CREB3L2: variants seen among roughly 807,000 people sequenced by gnomAD.
CREB3L2 encodes the protein cAMP responsive element binding protein 3 like 2.
In CREB3L2, 23 loss-of-function variants were observed where a neutral mutation model predicts 57.2. That is an observed-to-expected ratio of 0.40 (90% CI 0.29 to 0.57). CREB3L2 has a LOEUF of 0.57. Ranked by LOEUF, CREB3L2 falls within the 20% of genes least tolerant of loss-of-function variation. The pLI, the probability that CREB3L2 is intolerant of heterozygous loss-of-function variation, is 0.42. For synonymous variants in CREB3L2, 268 were observed against 265.1 expected, an observed-to-expected ratio of 1.01 and a Z score of -0.11; for missense variants, 628 against 634.7, an observed-to-expected ratio of 0.99 and a Z score of 0.11.
chr7:137,992,053 C>T lies in CREB3L2; in HGVS notation c.102+9551G>A, dbSNP rs543867447. ...TTAAAAAAAAATCCCCAAAGCTCTT[C>T]GTAATATCAGTAAAGTTCAAATAAA... On this transcript the variant is annotated intron_variant, in intron 1 of 11. Coordinates refer to ENST00000330387, the MANE Select transcript of CREB3L2 (RefSeq NM_194071.4). Among the ~76,000 whole-genome samples the T allele has an allele frequency of 4.6e-5, 7 of 152,156 alleles. No homozygotes were observed. In the East Asian group the frequency reaches 9.6e-4, roughly 21 times the overall value.
In CREB3L2 at chr7:137,980,047, T is replaced by G. The variant is rs1801685752; in HGVS notation, c.102+21557A>C. ...TAGCCAGCAGTTCTCAAATTTTACA[T>G]GCACATGGATCATCTGGGGATCTTC... On this transcript the variant is annotated intron_variant, in intron 1 of 11. Transcript: ENST00000330387. The surrounding 1 kb of genome is among the most constrained non-coding windows in gnomAD (Gnocchi z 4.3). Among the ~76,000 whole-genome samples, 1 of 152,220 alleles carries G rather than the reference T, an allele frequency of 6.6e-6. No homozygotes were observed.
intron 2 of CREB3L2, among the ~76,000 whole-genome samples, chr7:137,926,745 T>C (rs1169397814): frequency 6.6e-6 from 1 of 151,880 alleles, no homozygotes; most frequent in East Asian, 1.9e-4. Flanking sequence ...CACCATGTCA[T>C]CCTCCTGTAA....
At chr7:137,916,802 G>T (rs760891542) in intron 2 of CREB3L2, among the ~76,000 whole-genome samples, 1 of 152,100 alleles carries the variant, frequency 6.6e-6, no homozygotes, top group Non-Finnish European at 1.5e-5. Context: ...GCGAGAGCGA[G>T]AGCGAGTGAC....
intron 1 of CREB3L2, among the ~76,000 whole-genome samples, chr7:137,940,176 C>T (rs889695361): frequency 6.6e-6 from 1 of 152,176 alleles, no homozygotes; most frequent in Non-Finnish European, 1.5e-5. Flanking sequence ...AGCTTCTCCT[C>T]TCTGGTATCT....
chr7:137,895,647 A>AAAAAAAAAAAAAG (rs1481507110), intron 8 of CREB3L2, among the ~76,000 whole-genome samples: 1 of 151,696 alleles, frequency 6.6e-6, no homozygotes, highest in African/African-American at 2.4e-5. Context: ...CAGTACAAAA[A>AAAAAAAAAAAAAG]AAAAAAGAAA....
chr7:137,904,838 G>A (rs75649079), intron 6 of CREB3L2, among the ~76,000 whole-genome samples: 10 of 136,976 alleles, frequency 7.3e-5, no homozygotes, highest in African/African-American at 1.1e-4. Flanking sequence ...GACTCTGTAT[G>A]AAAAAAAAAA....
At chr7:137,888,533 A>G (rs1395003803) in intron 8 of CREB3L2, among the ~76,000 whole-genome samples, 1 of 152,058 alleles carries the variant, frequency 6.6e-6, no homozygotes, top group Non-Finnish European at 1.5e-5. Context: ...TGGCCGAAGC[A>G]TATATTTGAC....
At chr7:137,940,465 C>A (rs1800863179) in intron 1 of CREB3L2, among the ~76,000 whole-genome samples, 1 of 152,166 alleles carries the variant, frequency 6.6e-6, no homozygotes. Flanking sequence ...TATCATCTGG[C>A]CTGACCTGGT....
At chr7:137,935,060 T>C (rs1766024364) in intron 1 of CREB3L2, among the ~76,000 whole-genome samples, 1 of 152,232 alleles carries the variant, frequency 6.6e-6, no homozygotes, top group Non-Finnish European at 1.5e-5. Context: ...TGTGGCAATG[T>C]AGCTTTGGAG....
At chr7:137,987,616 G>T (rs952982149) in intron 1 of CREB3L2, among the ~76,000 whole-genome samples, 1 of 152,182 alleles carries the variant, frequency 6.6e-6, no homozygotes, top group East Asian at 1.9e-4. Context: ...GTGTTGGGGA[G>T]ACAAGAGATA....
At chr7:137,963,328 A>G (rs1801356746) in intron 1 of CREB3L2, among the ~76,000 whole-genome samples, 1 of 152,224 alleles carries the variant, frequency 6.6e-6, no homozygotes. Context: ...CTCTTTAATA[A>G]CCAGCTCCAC....
Position 137,969,698 on chromosome 7 carries a change from T to C in CREB3L2, c.102+31906A>G, listed in dbSNP as rs1050332217. On this transcript the variant is annotated intron_variant, in intron 1 of 11. Coordinates refer to ENST00000330387, the MANE Select transcript of CREB3L2 (RefSeq NM_194071.4). ...TAGCAGAATTTTTTTTTTTCAAAGATACCAGCTAAAGTATTTAGAGATGAA... is the reference window on the plus strand; with the variant it reads ...TAGCAGAATTTTTTTTTTTCAAAGACACCAGCTAAAGTATTTAGAGATGAA... Among the ~76,000 whole-genome samples, 25 of 151,004 alleles carry C rather than the reference T, an allele frequency of 1.7e-4. 1 individual carries two copies. The highest frequency in any genetic ancestry group is 3.2e-4 in the Non-Finnish European group (22 of 67,882).
Position 137,940,098 on chromosome 7 carries a change from T to A in CREB3L2, c.103-11732A>T, listed in dbSNP as rs945993539. Among the ~76,000 whole-genome samples, 11 of 152,208 alleles carry A rather than the reference T, an allele frequency of 7.2e-5. 1 individual carries two copies. The South Asian group carries it at 1.9e-3, about 26-fold the overall frequency. ...TCAACCCTTTTACATGCTCATTATA[T>A]AAGGAAATTTGGAGGGTTTTTTGGT... On this transcript the variant is annotated intron_variant, in intron 1 of 11. Coordinates refer to ENST00000330387, the MANE Select transcript of CREB3L2 (RefSeq NM_194071.4).
chr7:137,900,613 G>C (rs997559025), intron 8 of CREB3L2, among the ~76,000 whole-genome samples: 4 of 151,650 alleles, frequency 2.6e-5, no homozygotes, highest in Non-Finnish European at 4.4e-5. Flanking sequence ...TGGCCAACAT[G>C]GTGAAACCCC....
chr7:137,903,884 TC>T, intron 7 of CREB3L2, 74 bp downstream of exon 7: 1 of 1,262,652 alleles, frequency 7.9e-7, no homozygotes, highest in Non-Finnish European at 1.2e-6. Context: ...GAACTGCTTC[TC>T]CCCGATTCTC....
chr7:137,879,026 A>C lies in CREB3L2; in HGVS notation c.*1450T>G. 2.3e-6 allele frequency: 1 copy of C among 435,650 alleles called. No individual in the cohort carries two copies. The highest frequency in any genetic ancestry group is 2.1e-5 in the South Asian group (1 of 46,820). 27.0% of individuals were successfully genotyped at this position (435,650 alleles called of 1,614,324 possible). A position where few individuals can be genotyped will look rare whatever the true frequency, so the allele number is the denominator to read the frequency against. On this transcript the variant is annotated 3_prime_UTR_variant, in exon 12 of 12. Coordinates refer to ENST00000330387, the MANE Select transcript of CREB3L2 (RefSeq NM_194071.4). ...TAAAAATAAAATACAAACTCTATGC[A>C]CATTTCCTACACAAAATCTTTCCCA... is the stretch of plus-strand genomic sequence containing the variant.
chr7:137,937,239 A>C (rs903888831), intron 1 of CREB3L2, among the ~76,000 whole-genome samples: 6 of 152,250 alleles, frequency 3.9e-5, no homozygotes, highest in African/African-American at 9.6e-5. Context: ...CCATAGAAGA[A>C]GGGAGTGTGG....
At chr7:137,916,714 G>A (rs1337286373) in intron 2 of CREB3L2, among the ~76,000 whole-genome samples, 2 of 150,906 alleles carry the variant, frequency 1.3e-5, no homozygotes, top group African/African-American at 4.9e-5. Flanking sequence ...GTGAGACCCT[G>A]TCAAGAAAGA....
intron 2 of CREB3L2, among the ~76,000 whole-genome samples, chr7:137,917,899 G>T (rs1225836839): frequency 1.3e-5 from 2 of 152,078 alleles, no homozygotes; most frequent in Admixed American, 6.5e-5. Context: ...TTCATGGGGT[G>T]TGCGCCACAT....
Sources: gnomAD v4.1 joint callset for allele counts (sites outside exome capture counted in the v4.1 genomes callset) on GRCh38, gnomAD v4.1.1 for gene constraint, Gnocchi (gnomAD v3.1) non-coding constraint, MANE v1.5 for transcripts, NCBI Gene and HGNC (gene_info 2026-07-23, HGNC 2026-07-21) for gene names.